CD93: variants seen among roughly 807,000 people sequenced by gnomAD.
CD93 encodes the protein CD93 molecule, also known as complement component C1q receptor.
CD93 carries 44 observed loss-of-function variants against 45.5 expected under a neutral mutation model. The ratio of observed to expected loss-of-function variants is 0.97; its 90% CI spans 0.76 to 1.24. The LOEUF (loss-of-function observed/expected upper bound fraction) is 1.24, where lower values mean the gene tolerates loss of function less well. Among genes scored for constraint, CD93 ranks in the 50% most tolerant of loss-of-function variants. CD93 has a pLI of 0.00. For missense variants in CD93, 918 were observed against 844.5 expected (o/e 1.09, Z -1.08); for synonymous variants, 431 against 370.8 (o/e 1.16, Z -1.87).
rs146164571 is a variant in CD93, at chr20:23,085,052, C to T, written c.1141G>A (p.Gly381Arg). ...VGYEPGGPGEGACQDVDECAL... is the reference protein window; with the variant it reads ...VGYEPGGPGERACQDVDECAL... The stretch of plus-strand genomic sequence containing the variant: ...CACTCATCCACATCCTGACAGGCCC[C>T]CTCTCCAGGACCGCCCGGCTCATAG... The change falls in exon 1 of 2, where the codon GGG (glycine) becomes AGG (arginine). Residue 381 changes from glycine (G) to arginine (R), a missense_variant. By Grantham distance (125) the Gly-to-Arg change is moderately radical (BLOSUM62 -2). Coordinates refer to ENST00000246006, the MANE Select transcript of CD93 (RefSeq NM_012072.4). 9.3e-4 allele frequency: 1,496 copies of T among 1,613,852 alleles called. 1 individual carries two copies. Among genetic ancestry groups the T allele is most frequent in the Non-Finnish European group, 1.2e-3 (1,361 of 1,179,922 alleles).
rs1474223734 is a variant in CD93 at position 23,084,708 on chromosome 20, G to A, written c.1485C>T (p.Pro495=). The A allele has an allele frequency of 6.3e-7, 1 of 1,593,404 alleles. No individual in the cohort carries two copies. Residue 495 remains proline, a synonymous_variant, in exon 1 of 2, where the codon CCC becomes CCT. Coordinates refer to ENST00000246006, the MANE Select transcript of CD93 (RefSeq NM_012072.4). ...DKGEKEGSTV[P]RAATASPTRG... ...TTGTGGGACTGGCTGTTGCAGCACGGGGCACGGTGCTCCCTTCTTTCTCTC... is the reference window on the plus strand; with the variant it reads ...TTGTGGGACTGGCTGTTGCAGCACGAGGCACGGTGCTCCCTTCTTTCTCTC...
Position 23,085,788 on chromosome 20 carries a change from C to A in CD93, c.405G>T (p.Ser135=), listed in dbSNP as rs542297079. ...YSNWHKELRN[S]CISKRCVSLL... ...GAGACACACAGCGCTTGGAGATGCA[C>A]GAGTTCCGGAGCTCCTTGTGCCAGT... The change falls in exon 1 of 2, where the codon TCG becomes TCT. Residue 135 remains serine (S), a synonymous_variant. Transcript: ENST00000246006. The A allele has an allele frequency of 3.7e-6, 6 of 1,611,534 alleles. No homozygotes were observed. The highest frequency in any genetic ancestry group is 1.1e-5 in the South Asian group (1 of 91,020).
Position 23,085,392 on chromosome 20 carries a change from G to T in CD93, c.801C>A (p.Asn267Lys). ...AGCAGTCCTGGTGGCAGCCCCCATT[G>T]TTGAAGTTGCAGCCATACTTGGGGC... ...CVSPKYGCNF[N>K]NGGCHQDCFE... The change falls in exon 1 of 2, where the codon AAC becomes AAA. Residue 267 changes from asparagine to lysine, a missense_variant. Transcript: ENST00000246006. 1 of 1,613,866 alleles carries T rather than the reference G, an allele frequency of 6.2e-7. No homozygotes were observed. The highest frequency in any genetic ancestry group is 8.5e-7 in the Non-Finnish European group (1 of 1,179,946).
In CD93 at chr20:23,085,842, C is replaced by CCCCCCCCCA; in HGVS notation, c.350_351insTGGGGGGGG (p.Gly118_Gly120dup). ...AGTAAGGCGTGTCCTCCCCCCCGCC[C>CCCCCCCCCA]ACCCAGCTGAAGCCCTTCAGCGGCA... On this transcript the variant is annotated inframe_insertion, in exon 1 of 2. Coordinates refer to ENST00000246006, the MANE Select transcript of CD93 (RefSeq NM_012072.4). 4 of 1,592,222 alleles carry CCCCCCCCCA rather than the reference C, an allele frequency of 2.5e-6. No individual in the cohort carries two copies. The highest frequency in any genetic ancestry group is 3.4e-6 in the Non-Finnish European group (4 of 1,169,874).
At chr20:23,084,233 C>T (rs1600422501) in intron 1 of CD93, 26 bp downstream of exon 1, 3 of 1,608,312 alleles carry the variant, frequency 1.9e-6, no homozygotes, top group Non-Finnish European at 8.5e-7. Flanking sequence ...CCATCCCCTC[C>T]CCCGGTCACT....
chr20:23,084,425 C>T lies in CD93; in HGVS notation c.1768G>A (p.Val590Met), dbSNP rs1283562835. 1.2e-6 allele frequency: 2 copies of T among 1,614,226 alleles called. No homozygotes were observed. Among genetic ancestry groups the T allele is most frequent in the Non-Finnish European group, 1.7e-6 (2 of 1,180,052 alleles). Reference sequence around the variant, plus strand: ...GCCAGCAGGAGTAGGATGGCCACCACGGTGCCTAGGATGTAGAATAAAAGC... The same window carrying T: ...GCCAGCAGGAGTAGGATGGCCACCATGGTGCCTAGGATGTAGAATAAAAGC... ...KLLLFYILGT[V>M]VAILLLLALA... The change falls in exon 1 of 2, where the codon GTG (valine) becomes ATG (methionine). Residue 590 changes from valine (V) to methionine (M), a missense_variant. By Grantham distance (21) the Val-to-Met change is conservative. Transcript: ENST00000246006.
chr20:23,085,177 C>T lies in CD93; in HGVS notation c.1016G>A (p.Ser339Asn). 1 of 1,586,362 alleles carries T rather than the reference C, an allele frequency of 6.3e-7. No individual in the cohort carries two copies. The highest frequency in any genetic ancestry group is 8.6e-7 in the Non-Finnish European group (1 of 1,165,524). The change falls in exon 1 of 2, where the codon AGT becomes AAT. Residue 339 changes from serine to asparagine, a missense_variant. Coordinates refer to ENST00000246006, the MANE Select transcript of CD93 (RefSeq NM_012072.4). ...ATCCACGTCCACACAGTCCAGCTGACTCGAGTCCAGCTGGTACCCTTGGGG... is the reference window on the plus strand; with the variant it reads ...ATCCACGTCCACACAGTCCAGCTGATTCGAGTCCAGCTGGTACCCTTGGGG... ...RCPQGYQLDS[S>N]QLDCVDVDEC... is the part of the protein sequence containing the mutation.
intron 1 of CD93, 113 bp downstream of exon 1, chr20:23,084,146 G>T: frequency 4.9e-6 from 7 of 1,434,966 alleles, no homozygotes; most frequent in Non-Finnish European, 6.8e-6. Context: ...AAGGACCAGG[G>T]TGTGTCTGCC....
chr20:23,084,076 G>T, intron 1 of CD93, 102 bp from the exon 2 acceptor site: 1 of 1,486,552 alleles, frequency 6.7e-7, no homozygotes, highest in Non-Finnish European at 9.4e-7. Context: ...CTGCAGATGG[G>T]CAGTATGCTC....
rs1985297689 is a variant in CD93, at chr20:23,080,575, T to C, written c.*3375A>G. 1 of 152,238 alleles carries C rather than the reference T, an allele frequency of 6.6e-6. No homozygotes were observed. Among genetic ancestry groups the C allele is most frequent in the Non-Finnish European group, 1.5e-5 (1 of 68,046 alleles). 9.4% of individuals were successfully genotyped at this position (152,238 alleles called of 1,614,324 possible). A position where few individuals can be genotyped will look rare whatever the true frequency, so the allele number is the denominator to read the frequency against. Reference sequence around the variant, plus strand: ...TCCTGAAGCCTTGCTCCTCCACCACTGGCTAACAGACAGGCCTCCAGGTGG... The same window carrying C: ...TCCTGAAGCCTTGCTCCTCCACCACCGGCTAACAGACAGGCCTCCAGGTGG... On this transcript the variant is annotated 3_prime_UTR_variant, in exon 2 of 2. Coordinates refer to ENST00000246006, the MANE Select transcript of CD93 (RefSeq NM_012072.4).
At position 23,085,953 on chromosome 20, in the gene CD93, C is replaced by T; in HGVS notation, c.240G>A (p.Leu80=). 1.9e-6 allele frequency: 3 copies of T among 1,610,294 alleles called. No homozygotes were observed. The highest frequency in any genetic ancestry group is 1.7e-5 in the Admixed American group (1 of 59,758). The change falls in exon 1 of 2, where the codon CTG becomes CTA. Residue 80 remains leucine (L), a synonymous_variant. Coordinates refer to ENST00000246006, the MANE Select transcript of CD93 (RefSeq NM_012072.4). ...QHVQRVLAQL[L]RREAALTARM... is the part of the protein sequence containing the mutation. Reference sequence around the variant, plus strand: ...TCGCCGTCAGGGCTGCCTCCCGCCTCAGGAGCTGGGCCAGTACTCGCTGGA... The same window carrying T: ...TCGCCGTCAGGGCTGCCTCCCGCCTTAGGAGCTGGGCCAGTACTCGCTGGA...
chr20:23,084,247 G>A lies in CD93; in HGVS notation c.1934+12C>T. On this transcript the variant is annotated intron_variant, in intron 1 of 1. Transcript: ENST00000246006. ...CCCATCCCCTCCCCCGGTCACTCAGGGCCCCCTTTACCTGTACTGGTTCTC... is the reference window on the plus strand; with the variant it reads ...CCCATCCCCTCCCCCGGTCACTCAGAGCCCCCTTTACCTGTACTGGTTCTC... The A allele has an allele frequency of 3.1e-6, 5 of 1,611,880 alleles. No homozygotes were observed. The highest frequency in any genetic ancestry group is 4.2e-6 in the Non-Finnish European group (5 of 1,179,198).
In CD93 at chr20:23,086,266, C is replaced by A. The variant is rs1985499259; in HGVS notation, c.-74G>T. ...CAGGAGCTTCTATCTCGGCTCCCAG[C>A]TGGGCCCCAAGGGGAGCTGAGGGGT... On this transcript the variant is annotated 5_prime_UTR_variant, in exon 1 of 2. Transcript: ENST00000246006. 3.5e-6 allele frequency: 5 copies of A among 1,448,806 alleles called. No homozygotes were observed. The South Asian group carries it at 5.7e-5, about 17-fold the overall frequency. 89.7% of individuals were successfully genotyped at this position (1,448,806 alleles called of 1,614,324 possible).
At position 23,086,164 on chromosome 20, in the gene CD93, A is replaced by G. The variant is rs1321012877; in HGVS notation, c.29T>C (p.Leu10Pro). The G allele has an allele frequency of 1.3e-6, 2 of 1,555,856 alleles. No individual in the cohort carries two copies. Among genetic ancestry groups the G allele is most frequent in the East Asian group, 4.7e-5 (2 of 42,536 alleles). ...GGGCTGGGTCAGGAGCAGCAGCAGC[A>G]GCAGCAGCAGGCCCATGGAGGTGGC... MATSMGLLL[L>P]LLLLLTQPGA... Residue 10 changes from leucine (L) to proline (P), a missense_variant, in exon 1 of 2, where the codon CTG becomes CCG. Physicochemically the swap from Leu to Pro is moderately conservative, Grantham distance 98. Coordinates refer to ENST00000246006, the MANE Select transcript of CD93 (RefSeq NM_012072.4).
Position 23,084,722 on chromosome 20 carries a change from C to A in CD93, c.1471G>T (p.Gly491Trp). Residue 491 changes from glycine to tryptophan, a missense_variant, in exon 1 of 2, where the codon GGG (glycine) becomes TGG (tryptophan). Gly to Trp is a radical substitution (Grantham distance 184, BLOSUM62 -2). Coordinates refer to ENST00000246006, the MANE Select transcript of CD93 (RefSeq NM_012072.4). ...PDEEDKGEKEGSTVPRAATAS... is the reference protein window; with the variant it reads ...PDEEDKGEKEWSTVPRAATAS... ...GTTGCAGCACGGGGCACGGTGCTCCCTTCTTTCTCTCCTTTGTCCTCCTCA... is the reference window on the plus strand; with the variant it reads ...GTTGCAGCACGGGGCACGGTGCTCCATTCTTTCTCTCCTTTGTCCTCCTCA... The A allele has an allele frequency of 1.3e-6, 2 of 1,599,552 alleles. No homozygotes were observed. Among genetic ancestry groups the A allele is most frequent in the South Asian group, 2.2e-5 (2 of 89,210 alleles).
Position 23,085,757 on chromosome 20 carries a change from G to C in CD93, c.436C>G (p.Leu146Val), listed in dbSNP as rs1985478190. 1 of 1,610,388 alleles carries C rather than the reference G, an allele frequency of 6.2e-7. No homozygotes were observed. Among genetic ancestry groups the C allele is most frequent in the African/African-American group, 1.3e-5 (1 of 74,950 alleles). ...GGAAGGAGCGGCTGGGACAGGTCCA[G>C]CAGCAGAGACACACAGCGCTTGGAG... ...CISKRCVSLL[L>V]DLSQPLLPSR... Residue 146 changes from leucine to valine, a missense_variant, in exon 1 of 2, where the codon CTG becomes GTG. Coordinates refer to ENST00000246006, the MANE Select transcript of CD93 (RefSeq NM_012072.4).
chr20:23,084,936 C>T lies in CD93; in HGVS notation c.1257G>A (p.Gly419=), dbSNP rs1568678053. Residue 419 remains glycine, a synonymous_variant, in exon 1 of 2, where the codon GGG becomes GGA. Coordinates refer to ENST00000246006, the MANE Select transcript of CD93 (RefSeq NM_012072.4). ...CSCEEGYVLA[G]EDGTQCQDVD... is the part of the protein sequence containing the mutation. ...CGTCCTGGCACTGAGTCCCGTCCTC[C>T]CCGGCCAGGACGTAGCCCTCCTCAC... 6.2e-7 allele frequency: 1 copy of T among 1,613,548 alleles called. No individual in the cohort carries two copies. The highest frequency in any genetic ancestry group is 1.3e-5 in the African/African-American group (1 of 75,020).
At position 23,085,255 on chromosome 20, in the gene CD93, C is replaced by G. The variant is rs141452018; in HGVS notation, c.938G>C (p.Gly313Ala). 1.9e-6 allele frequency: 3 copies of G among 1,613,098 alleles called. No homozygotes were observed. Among genetic ancestry groups the G allele is most frequent in the African/African-American group, 1.3e-5 (1 of 75,026 alleles). The part of the protein sequence containing the change: ...RNPCSSSPCR[G>A]GATCVLGPHG... Reference sequence around the variant, plus strand: ...GGGTCCCAGGACGCACGTGGCCCCCCCACGACATGGGCTGGAGCTGCAAGG... The same window carrying G: ...GGGTCCCAGGACGCACGTGGCCCCCGCACGACATGGGCTGGAGCTGCAAGG... The change falls in exon 1 of 2, where the codon GGG becomes GCG. Residue 313 changes from glycine (G) to alanine (A), a missense_variant. Gly to Ala is a moderately conservative substitution (Grantham distance 60). Coordinates refer to ENST00000246006, the MANE Select transcript of CD93 (RefSeq NM_012072.4).
At position 23,085,423 on chromosome 20, in the gene CD93, C is replaced by T; in HGVS notation, c.770G>A (p.Cys257Tyr). The T allele has an allele frequency of 5.6e-6, 9 of 1,613,858 alleles. No individual in the cohort carries two copies. Among genetic ancestry groups the T allele is most frequent in the Non-Finnish European group, 6.8e-6 (8 of 1,180,010 alleles). Residue 257 changes from cysteine (C) to tyrosine (Y), a missense_variant, in exon 1 of 2, where the codon TGT (cysteine) becomes TAT (tyrosine). Cys to Tyr is a radical substitution (Grantham distance 194). Coordinates refer to ENST00000246006, the MANE Select transcript of CD93 (RefSeq NM_012072.4). ...VFDWGSSGPLCVSPKYGCNFN... is the reference protein window; with the variant it reads ...VFDWGSSGPLYVSPKYGCNFN... The stretch of plus-strand genomic sequence containing the variant: ...GTTGCAGCCATACTTGGGGCTGACA[C>T]AGAGGGGGCCCGAGCTGCCCCAGTC...
Sources: gnomAD v4.1 joint callset for allele counts on GRCh38, gnomAD v4.1.1 for gene constraint, MANE v1.5 for transcripts, NCBI Gene and HGNC (gene_info 2026-07-23, HGNC 2026-07-21) for gene names.